Variants in ARHGAP18 observed in about 807,000 individuals in gnomAD.
ARHGAP18 encodes the protein Rho GTPase activating protein 18.
Under a neutral mutation model 86.2 loss-of-function variants are expected in ARHGAP18, and 67 were observed. The observed-to-expected ratio is 0.78, with a 90% CI of 0.64 to 0.95. The LOEUF (loss-of-function observed/expected upper bound fraction) is 0.95. Ranked by LOEUF, ARHGAP18 falls within the 40% of genes least tolerant of loss-of-function variation. ARHGAP18 has a pLI of 0.00. For missense variants in ARHGAP18, 691 were observed against 780.4 expected, an observed-to-expected ratio of 0.89 and a Z score of 1.37; for synonymous variants, 283 against 280.4, an observed-to-expected ratio of 1.01 and a Z score of -0.09.
intron 12 of ARHGAP18, among the ~76,000 whole-genome samples, chr6:129,598,515 C>T (rs1381065063): frequency 6.6e-6 from 1 of 152,170 alleles, no homozygotes; most frequent in Non-Finnish European, 1.5e-5. Context: ...AATAGAAACC[C>T]TTTCATTTCA....
intron 8 of ARHGAP18, among the ~76,000 whole-genome samples, chr6:129,611,042 GACC>G (rs1788968170): frequency 6.6e-6 from 1 of 152,066 alleles, no homozygotes; most frequent in Non-Finnish European, 1.5e-5. Flanking sequence ...AACTCCAGGT[GACC>G]ACCACAATGC....
At chr6:129,648,174 A>G (rs895404077) in intron 1 of ARHGAP18, among the ~76,000 whole-genome samples, 1 of 151,346 alleles carries the variant, frequency 6.6e-6, no homozygotes, top group African/African-American at 2.4e-5. Context: ...TAATTTTTCA[A>G]TTTTTTTGGT....
At chr6:129,626,751 A>T (rs572335214) in intron 5 of ARHGAP18, among the ~76,000 whole-genome samples, 1 of 152,086 alleles carries the variant, frequency 6.6e-6, no homozygotes, top group East Asian at 1.9e-4. Flanking sequence ...TAGTAATCAT[A>T]TTGTTGATGG....
At chr6:129,585,493 C>G (rs1363768900) in intron 12 of ARHGAP18, among the ~76,000 whole-genome samples, 2 of 152,110 alleles carry the variant, frequency 1.3e-5, no homozygotes, top group African/African-American at 4.8e-5. Flanking sequence ...AAAGAAGCAA[C>G]ACGATATAAG....
At chr6:129,691,099 T>G (rs963045659) in intron 1 of ARHGAP18, among the ~76,000 whole-genome samples, 1 of 152,218 alleles carries the variant, frequency 6.6e-6, no homozygotes, top group Non-Finnish European at 1.5e-5. Flanking sequence ...CAACTGGTTA[T>G]TCAATCATTA....
At chr6:129,623,750 AAG>A (rs1789281497) in intron 5 of ARHGAP18, among the ~76,000 whole-genome samples, 1 of 152,206 alleles carries the variant, frequency 6.6e-6, no homozygotes, top group Admixed American at 6.5e-5. Context: ...CGGACTAAAA[AAG>A]AGTTTCTATA....
intron 10 of ARHGAP18, among the ~76,000 whole-genome samples, chr6:129,603,504 GA>G (rs1236135292): frequency 6.6e-6 from 1 of 152,262 alleles, no homozygotes; most frequent in South Asian, 2.1e-4. Flanking sequence ...AGCCAGGTTT[GA>G]GTACCAGCAC....
intron 2 of ARHGAP18, among the ~76,000 whole-genome samples, chr6:129,639,649 G>C (rs116374876): frequency 0.012 from 1,766 of 152,244 alleles, 35 homozygotes; most frequent in African/African-American, 0.039. Flanking sequence ...TAAACTTCTT[G>C]ACGGCAGAAA....
chr6:129,653,378 A>G (rs1446140744), intron 1 of ARHGAP18, among the ~76,000 whole-genome samples: 1 of 152,222 alleles, frequency 6.6e-6, no homozygotes, highest in Non-Finnish European at 1.5e-5. Context: ...CCTTTATGCT[A>G]TAACTGTAAT....
At chr6:129,645,237 T>G (rs1312648413) in intron 1 of ARHGAP18, among the ~76,000 whole-genome samples, 2 of 152,208 alleles carry the variant, frequency 1.3e-5, no homozygotes, top group Admixed American at 6.5e-5. Flanking sequence ...ATTCTACTTT[T>G]GTACTTCAGA....
At chr6:129,582,205 AC>A (rs1788303571) in intron 13 of ARHGAP18, among the ~76,000 whole-genome samples, 1 of 152,118 alleles carries the variant, frequency 6.6e-6, no homozygotes, top group East Asian at 1.9e-4. Context: ...TACAAACACC[AC>A]AAGCAGAAAA....
intron 7 of ARHGAP18, among the ~76,000 whole-genome samples, chr6:129,613,842 C>G (rs951662600): frequency 6.8e-6 from 1 of 146,792 alleles, no homozygotes; most frequent in Non-Finnish European, 1.5e-5. Flanking sequence ...TTTAATGATG[C>G]TGTTACTAAT....
intron 9 of ARHGAP18, among the ~76,000 whole-genome samples, 166 bp from the exon 10 acceptor site, chr6:129,606,125 TCAG>T (rs1788849218): frequency 6.6e-6 from 1 of 152,196 alleles, no homozygotes; most frequent in Admixed American, 6.5e-5. Context: ...TTGTGGGAGA[TCAG>T]CAGAAGCAGC....
intron 11 of ARHGAP18, among the ~76,000 whole-genome samples, chr6:129,599,779 G>C (rs554267181): frequency 6.6e-6 from 1 of 152,102 alleles, no homozygotes; most frequent in Non-Finnish European, 1.5e-5. Flanking sequence ...GCTGTCATGA[G>C]AGAAAGAACT....
rs546962731 is a variant in ARHGAP18, at chr6:129,596,534, ATTTACT to A, written c.1713+2676_1713+2681del. On this transcript the variant is annotated intron_variant, in intron 12 of 14. Coordinates refer to ENST00000368149, the MANE Select transcript of ARHGAP18 (RefSeq NM_033515.3). ...ACACATTATATGAATTACTTCCTAG[ATTTACT>A]TTTATTTTTAGAATTTAAGCTCTGG... 9.9e-5 allele frequency among the ~76,000 whole-genome samples: 15 copies of A among 152,162 alleles called. No homozygotes were observed. In the South Asian group the frequency reaches 2.9e-3, roughly 29 times the overall value.
chr6:129,685,751 T>G (rs148562036), intron 1 of ARHGAP18, among the ~76,000 whole-genome samples: 5 of 97,034 alleles, frequency 5.2e-5, no homozygotes, highest in Non-Finnish European at 1.0e-4. Context: ...ACAAGGCAGC[T>G]TTTTTTTTTC....
intron 3 of ARHGAP18, among the ~76,000 whole-genome samples, chr6:129,635,943 G>A (rs1411025806): frequency 2.0e-5 from 3 of 152,176 alleles, no homozygotes; most frequent in Non-Finnish European, 2.9e-5. Flanking sequence ...GAAAAATGTT[G>A]TTTCTAGCAC....
intron 4 of ARHGAP18, among the ~76,000 whole-genome samples, chr6:129,631,738 T>A (rs1380486513): frequency 6.6e-6 from 1 of 150,496 alleles, no homozygotes; most frequent in Non-Finnish European, 1.5e-5. Flanking sequence ...ACCACCTGAC[T>A]TTAAGATTCA....
chr6:129,604,166 T>C (rs1445353615), intron 10 of ARHGAP18, among the ~76,000 whole-genome samples: 1 of 151,740 alleles, frequency 6.6e-6, no homozygotes, highest in Admixed American at 6.6e-5. Flanking sequence ...TAAAATTACT[T>C]GTTTGCATCT....
Sources: gnomAD v4.1 joint callset for allele counts (sites outside exome capture counted in the v4.1 genomes callset) on GRCh38, gnomAD v4.1.1 for gene constraint, MANE v1.5 for transcripts, NCBI Gene and HGNC (gene_info 2026-07-23, HGNC 2026-07-21) for gene names.